Variants in LRRC37A2 observed in about 807,000 individuals in gnomAD.
LRRC37A2 encodes the protein leucine-rich repeat-containing protein 37A2.
LRRC37A2 carries 9 observed loss-of-function variants against 68.8 expected under a neutral mutation model. That is an observed-to-expected ratio of 0.13 (90% CI 0.08 to 0.23). LRRC37A2 has a LOEUF of 0.23. LRRC37A2 is among the 10% of genes least tolerant of loss of function. The probability of loss-of-function intolerance (pLI) is 1.00; values close to 1 mark genes in which losing one functional copy is unlikely to be tolerated. For synonymous variants in LRRC37A2, 63 were observed against 367.6 expected (o/e 0.17, Z 9.48); for missense variants, 168 against 950.4 (o/e 0.18, Z 10.82).
chr17:46,770,767 G>A, the LRRC37A2 span, among the ~76,000 whole-genome samples: 1 of 152,166 alleles, frequency 6.6e-6, no homozygotes, highest in Non-Finnish European at 1.5e-5. Flanking sequence ...TCCAGCGCAG[G>A]GAAAGGAGAG....
the LRRC37A2 span, among the ~76,000 whole-genome samples, chr17:46,770,638 G>A: frequency 6.6e-6 from 1 of 152,244 alleles, no homozygotes; most frequent in African/African-American, 2.4e-5. Flanking sequence ...TCACCAGGAG[G>A]GCAGTGGCCC....
the LRRC37A2 span, among the ~76,000 whole-genome samples, chr17:46,905,366 G>A: frequency 2.0e-5 from 3 of 152,156 alleles, no homozygotes; most frequent in East Asian, 1.9e-4. Context: ...GTGAGCCACC[G>A]TATCCAGCTG....
the LRRC37A2 span, chr17:46,916,624 A>G: frequency 6.6e-6 from 1 of 152,238 alleles, no homozygotes; most frequent in African/African-American, 2.4e-5. Flanking sequence ...TGAAGCCAGT[A>G]TTTGTACGTA....
the LRRC37A2 span, among the ~76,000 whole-genome samples, chr17:46,612,302 A>G: frequency 1.8e-5 from 1 of 57,078 alleles, no homozygotes; most frequent in African/African-American, 8.4e-5. Context: ...ATGTAAAATG[A>G]TGCAGCTACT....
At chr17:46,901,650 G>C in the LRRC37A2 span, among the ~76,000 whole-genome samples, 2 of 152,178 alleles carry the variant, frequency 1.3e-5, no homozygotes, top group African/African-American at 2.4e-5. Flanking sequence ...CTTCTAATGG[G>C]AAAGAAGCTG....
the LRRC37A2 span, chr17:46,692,947 T>A: frequency 6.6e-7 from 1 of 1,525,740 alleles, no homozygotes; most frequent in East Asian, 2.3e-5. Context: ...TTGATGAAAT[T>A]GATGCCATCT....
the LRRC37A2 span, among the ~76,000 whole-genome samples, chr17:46,402,723 C>CTT: frequency 3.5e-4 from 1 of 2,858 alleles, no homozygotes; most frequent in African/African-American, 4.2e-4. Flanking sequence ...CTCTCGCTCT[C>CTT]TTTTTTTTTT....
chr17:46,858,877 G>A, the LRRC37A2 span, among the ~76,000 whole-genome samples: 1 of 151,996 alleles, frequency 6.6e-6, no homozygotes. Flanking sequence ...ATGTTGCTCA[G>A]GCTGGTCTCA....
chr17:46,846,797 G>A, the LRRC37A2 span, among the ~76,000 whole-genome samples: 57 of 152,342 alleles, frequency 3.7e-4, no homozygotes, highest in African/African-American at 1.2e-3. Flanking sequence ...GAGGGAGGGA[G>A]GGAGGAACAG....
the LRRC37A2 span, among the ~76,000 whole-genome samples, chr17:46,822,937 T>G: frequency 1.3e-5 from 2 of 151,486 alleles, no homozygotes; most frequent in African/African-American, 4.9e-5. Context: ...GTTCTCCCTG[T>G]GGCAGTAGTT....
the LRRC37A2 span, among the ~76,000 whole-genome samples, chr17:47,020,513 C>T: frequency 6.6e-5 from 10 of 151,252 alleles, no homozygotes; most frequent in Admixed American, 2.6e-4. Flanking sequence ...GGTGTGGTGG[C>T]TCACGCCTGT....
the LRRC37A2 span, among the ~76,000 whole-genome samples, chr17:46,449,758 T>TC: frequency 7.5e-5 from 8 of 106,006 alleles, 2 homozygotes; most frequent in African/African-American, 2.5e-4. Flanking sequence ...TGATTTTCTT[T>TC]TTTTTTTTTT....
the LRRC37A2 span, among the ~76,000 whole-genome samples, chr17:46,899,655 G>A: frequency 6.6e-6 from 1 of 152,122 alleles, no homozygotes; most frequent in African/African-American, 2.4e-5. Flanking sequence ...ATGGGTTTTG[G>A]GAGGAGGTAA....
the LRRC37A2 span, among the ~76,000 whole-genome samples, chr17:46,983,451 T>A: frequency 2.3e-4 from 35 of 152,036 alleles, 1 homozygote; most frequent in Non-Finnish European, 3.8e-4. Flanking sequence ...TCCGCCACCA[T>A]GCCTGGCTAA....
chr17:46,727,093 C>T, the LRRC37A2 span, among the ~76,000 whole-genome samples: 1 of 152,164 alleles, frequency 6.6e-6, no homozygotes, highest in Non-Finnish European at 1.5e-5. Flanking sequence ...ACTATAATCC[C>T]TCTCTTGCTT....
the LRRC37A2 span, among the ~76,000 whole-genome samples, chr17:46,770,655 C>T: frequency 1.3e-5 from 2 of 152,224 alleles, no homozygotes; most frequent in Non-Finnish European, 2.9e-5. Context: ...GCCCGTGCCT[C>T]AGTCTCCCCA....
the LRRC37A2 span, chr17:46,831,024 C>T: frequency 8.6e-6 from 3 of 347,536 alleles, no homozygotes; most frequent in Non-Finnish European, 1.5e-5. Flanking sequence ...ATCTTCTTTT[C>T]AGTTGACGTT....
At chr17:46,948,693 C>T in the LRRC37A2 span, 1 of 152,230 alleles carries the variant, frequency 6.6e-6, no homozygotes, top group Admixed American at 6.5e-5. Context: ...CCAGAAATCC[C>T]AGGATCTTAC....
At chr17:46,979,911 G>A in the LRRC37A2 span, among the ~76,000 whole-genome samples, 1 of 151,956 alleles carries the variant, frequency 6.6e-6, no homozygotes, top group African/African-American at 2.4e-5. Flanking sequence ...TATCACCTGG[G>A]TATAAACTCC....
Sources: gnomAD v4.1 joint callset for allele counts (sites outside exome capture counted in the v4.1 genomes callset) on GRCh38, gnomAD v4.1.1 for gene constraint, MANE v1.5 for transcripts, NCBI Gene and HGNC (gene_info 2026-07-23, HGNC 2026-07-21) for gene names.